The following CAMK2A variants were observed in gnomAD, a reference collection of about 807,000 sequenced individuals.
The protein encoded by CAMK2A is calcium/calmodulin dependent protein kinase II alpha.
CAMK2A carries 7 observed loss-of-function variants against 79.2 expected under a neutral mutation model. The ratio of observed to expected loss-of-function variants is 0.09; its 90% CI spans 0.05 to 0.17. CAMK2A has a LOEUF of 0.17. CAMK2A is among the 10% of genes least tolerant of loss of function. The pLI, the probability that CAMK2A is intolerant of heterozygous loss-of-function variation, is 1.00. For synonymous variants in CAMK2A, 242 were observed against 251.7 expected (o/e 0.96, Z 0.36); for missense variants, 214 against 646.4 (o/e 0.33, Z 7.25).
chr5:150,260,013 T>C (rs1327319756), intron 3 of CAMK2A, among the ~76,000 whole-genome samples: 1 of 151,998 alleles, frequency 6.6e-6, no homozygotes, highest in Non-Finnish European at 1.5e-5. Flanking sequence ...AAACATACAG[T>C]TAAGTGAACA....
At chr5:150,250,654 G>A in intron 10 of CAMK2A, 34 bp downstream of exon 10, 1 of 1,612,878 alleles carries the variant, frequency 6.2e-7, no homozygotes, top group Non-Finnish European at 8.5e-7. Context: ...GTCTGGAGGG[G>A]CTCCTGGGAG....
At chr5:150,241,657 T>C (rs1282187070) in intron 13 of CAMK2A, among the ~76,000 whole-genome samples, 1 of 139,630 alleles carries the variant, frequency 7.2e-6, no homozygotes, top group Non-Finnish European at 1.6e-5. Context: ...TTTCTTCCTC[T>C]CTTCTCCTCT....
chr5:150,270,197 A>G (rs13354672), intron 2 of CAMK2A, among the ~76,000 whole-genome samples: 11,555 of 152,254 alleles, frequency 0.076, 1,469 homozygotes, highest in African/African-American at 0.26. Context: ...ACTGTTACTG[A>G]TGATAGGATT....
intron 3 of CAMK2A, among the ~76,000 whole-genome samples, chr5:150,260,628 C>T (rs897416512): frequency 6.6e-6 from 1 of 152,178 alleles, no homozygotes; most frequent in Non-Finnish European, 1.5e-5. Flanking sequence ...CTGACTCAGG[C>T]TCTGCTTCCA....
At chr5:150,232,004 C>CCTAT (rs1488398630) in intron 15 of CAMK2A, among the ~76,000 whole-genome samples, 1 of 152,198 alleles carries the variant, frequency 6.6e-6, no homozygotes, top group African/African-American at 2.4e-5. Flanking sequence ...CTGGCCCTCC[C>CCTAT]CTATCTGCCA....
At position 150,237,212 on chromosome 5, in the gene CAMK2A, C is replaced by T. The variant is rs565787217; in HGVS notation, c.1066+1488G>A. The stretch of plus-strand genomic sequence containing the variant: ...CAGGAGGCAGCCTTGGTATGTGGTG[C>T]GTCAAAACTGCCTTAAAGCCTGAAT... On this transcript the variant is annotated intron_variant, in intron 15 of 18. Coordinates refer to ENST00000671881, the MANE Select transcript of CAMK2A (RefSeq NM_015981.4). 1.6e-4 allele frequency among the ~76,000 whole-genome samples: 24 copies of T among 152,278 alleles called. No homozygotes were observed. In the South Asian group the frequency reaches 3.7e-3, roughly 24 times the overall value.
At chr5:150,248,749 G>A (rs1464340442) in intron 11 of CAMK2A, among the ~76,000 whole-genome samples, 1 of 151,958 alleles carries the variant, frequency 6.6e-6, no homozygotes, top group African/African-American at 2.4e-5. Flanking sequence ...TGGACATTTG[G>A]GTTGGTTCCA....
chr5:150,285,729 G>A (rs1307380818), intron 1 of CAMK2A, among the ~76,000 whole-genome samples: 2 of 152,146 alleles, frequency 1.3e-5, no homozygotes, highest in African/African-American at 4.8e-5. Context: ...TTTCTAGAGA[G>A]AAAAGAGTGG....
intron 18 of CAMK2A, 106 bp downstream of exon 18, chr5:150,222,883 G>C (rs1044015859): frequency 7.2e-7 from 1 of 1,397,062 alleles, no homozygotes; most frequent in Non-Finnish European, 1.0e-6. Context: ...ACCCCACTCT[G>C]CAGCCTTTCA....
chr5:150,234,539 G>A (rs980701006), intron 15 of CAMK2A, among the ~76,000 whole-genome samples: 2 of 152,224 alleles, frequency 1.3e-5, no homozygotes, highest in Non-Finnish European at 2.9e-5. Context: ...GGTCCTCACA[G>A]AGAGCCAGTT....
intron 2 of CAMK2A, 133 bp from the exon 3 acceptor site, chr5:150,265,148 C>A: frequency 4.3e-6 from 3 of 701,798 alleles, no homozygotes; most frequent in Non-Finnish European, 7.8e-6. Flanking sequence ...CACCTTCTGG[C>A]CAGGGCCTCT....
At chr5:150,254,970 T>C (rs1423745292) in intron 6 of CAMK2A, among the ~76,000 whole-genome samples, 1 of 152,048 alleles carries the variant, frequency 6.6e-6, no homozygotes, top group Non-Finnish European at 1.5e-5. Context: ...TTCTGAAGGG[T>C]CCCACCTCTG....
At chr5:150,281,776 C>A (rs1757227049) in intron 1 of CAMK2A, among the ~76,000 whole-genome samples, 1 of 152,118 alleles carries the variant, frequency 6.6e-6, no homozygotes, top group Admixed American at 6.5e-5. Flanking sequence ...TCCTAATTCC[C>A]AAAACAGTTA....
At chr5:150,233,756 G>A (rs1156682402) in intron 15 of CAMK2A, among the ~76,000 whole-genome samples, 3 of 152,090 alleles carry the variant, frequency 2.0e-5, no homozygotes, top group African/African-American at 7.2e-5. Context: ...AGTTTGGGAA[G>A]AAGCCTAGCC....
At chr5:150,233,484 A>G (rs1056735554) in intron 15 of CAMK2A, among the ~76,000 whole-genome samples, 2 of 152,038 alleles carry the variant, frequency 1.3e-5, no homozygotes, top group Non-Finnish European at 2.9e-5. Flanking sequence ...CCATTTTTAG[A>G]CCATGAGTGC....
chr5:150,233,398 G>T (rs987417518), intron 15 of CAMK2A, among the ~76,000 whole-genome samples: 1 of 152,140 alleles, frequency 6.6e-6, no homozygotes, highest in Non-Finnish European at 1.5e-5. Flanking sequence ...ATCATTCAAC[G>T]TCAGCCACCA....
chr5:150,275,816 GT>G (rs1347913492), intron 1 of CAMK2A, among the ~76,000 whole-genome samples: 1 of 145,926 alleles, frequency 6.9e-6, no homozygotes, highest in Non-Finnish European at 1.5e-5. Context: ...GTATGTGGAT[GT>G]TTTCACCAAA....
At chr5:150,271,182 G>A (rs572767248) in intron 2 of CAMK2A, among the ~76,000 whole-genome samples, 40 of 152,348 alleles carry the variant, frequency 2.6e-4, no homozygotes, top group African/African-American at 8.9e-4. Context: ...CTGGCCATGA[G>A]GCAACACCTC....
At chr5:150,240,334 A>C (rs1422804778) in intron 13 of CAMK2A, among the ~76,000 whole-genome samples, 1 of 152,208 alleles carries the variant, frequency 6.6e-6, no homozygotes, top group Non-Finnish European at 1.5e-5. Flanking sequence ...ATGCCAAAGC[A>C]GGGCCAAGCA....
Sources: allele counts gnomAD v4.1 joint callset (sites outside exome capture counted in the v4.1 genomes callset), GRCh38; gene constraint gnomAD v4.1.1; transcripts MANE v1.5; gene names NCBI Gene and HGNC (gene_info 2026-07-23, HGNC 2026-07-21).